PI4KA: variants seen among roughly 807,000 people sequenced by gnomAD.
PI4KA encodes PI4-kinase alpha.
Under a neutral mutation model 271.4 loss-of-function variants are expected in PI4KA, and 122 were observed. The ratio of observed to expected loss-of-function variants is 0.45; its 90% CI spans 0.39 to 0.52. PI4KA has a LOEUF of 0.52. Ranked by LOEUF, PI4KA falls within the 20% of genes least tolerant of loss-of-function variation. PI4KA has a pLI of 0.00. For missense variants in PI4KA, 1,969 were observed against 2,769.1 expected (o/e 0.71, Z 6.48); for synonymous variants, 1,041 against 1,078.8 (o/e 0.96, Z 0.69).
chr22:20,778,169 G>C (rs1200928072), intron 19 of PI4KA, among the ~76,000 whole-genome samples: 1 of 152,088 alleles, frequency 6.6e-6, no homozygotes, highest in Non-Finnish European at 1.5e-5. Flanking sequence ...GCCCTGAGGG[G>C]GTCTCAGCAC....
intron 19 of PI4KA, among the ~76,000 whole-genome samples, chr22:20,767,873 G>A (rs1009713804): frequency 6.6e-6 from 1 of 151,550 alleles, no homozygotes; most frequent in Non-Finnish European, 1.5e-5. Flanking sequence ...GACCTCAAGT[G>A]ATCTGCCCGC....
chr22:20,855,334 G>C (rs1260743440), intron 1 of PI4KA, among the ~76,000 whole-genome samples: 1 of 152,028 alleles, frequency 6.6e-6, no homozygotes, highest in Admixed American at 6.6e-5. Flanking sequence ...TGTTACATAT[G>C]TATACATGTG....
At chr22:20,830,559 T>A (rs1382256548) in intron 3 of PI4KA, among the ~76,000 whole-genome samples, 1 of 152,218 alleles carries the variant, frequency 6.6e-6, no homozygotes, top group Admixed American at 6.5e-5. Context: ...GATTGGTCTC[T>A]TAAAGACAGC....
At chr22:20,789,538 C>T (rs1015084516) in intron 19 of PI4KA, among the ~76,000 whole-genome samples, 1 of 152,186 alleles carries the variant, frequency 6.6e-6, no homozygotes, top group Non-Finnish European at 1.5e-5. Context: ...CCATGTTGGA[C>T]AGGCTGGTCT....
At chr22:20,753,960 A>G (rs2147340777) in intron 23 of PI4KA, among the ~76,000 whole-genome samples, 1 of 152,338 alleles carries the variant, frequency 6.6e-6, no homozygotes, top group East Asian at 1.9e-4. Flanking sequence ...TGCTGGGATT[A>G]CAGGCGTGAG....
At chr22:20,727,704 A>G (rs1485851470) in intron 40 of PI4KA, 70 bp downstream of exon 40, 3 of 1,171,196 alleles carry the variant, frequency 2.6e-6, no homozygotes, top group Non-Finnish European at 3.8e-6. Flanking sequence ...TTCTAGTTTC[A>G]GGCATTTCTG....
At position 20,797,886 on chromosome 22, in the gene PI4KA, A is replaced by G. The variant is rs118145797; in HGVS notation, c.2108+698T>C. On this transcript the variant is annotated intron_variant, in intron 17 of 54. Transcript: ENST00000255882. ...AAAGGGGCTCTCTTCTTCCCTCCCCACCCTCCTGTCCTCATCTGACTTCAC... is the reference window on the plus strand; with the variant it reads ...AAAGGGGCTCTCTTCTTCCCTCCCCGCCCTCCTGTCCTCATCTGACTTCAC... 2.3e-3 allele frequency among the ~76,000 whole-genome samples: 355 copies of G among 152,108 alleles called. 5 individuals are homozygous for G. The East Asian group carries it at 0.055, about 24-fold the overall frequency.
chr22:20,726,007 T>TTTTG (rs149776528), intron 42 of PI4KA, among the ~76,000 whole-genome samples: 3 of 152,086 alleles, frequency 2.0e-5, no homozygotes, highest in Admixed American at 6.5e-5. Context: ...AATTCATGTT[T>TTTTG]TTTGTTTGTT....
At chr22:20,784,219 G>A (rs1269025982) in intron 19 of PI4KA, 3 of 1,614,168 alleles carry the variant, frequency 1.9e-6, no homozygotes, top group Non-Finnish European at 2.5e-6. Context: ...GGGTGGTGGA[G>A]AGATGGCAAA....
At position 20,710,009 on chromosome 22, in the gene PI4KA, T is replaced by C. The variant is rs371173329; in HGVS notation, c.6084-12A>G. The C allele has an allele frequency of 1.9e-4, 302 of 1,593,582 alleles. No homozygotes were observed. Among genetic ancestry groups the C allele is most frequent in the South Asian group, 7.6e-4 (69 of 90,664 alleles). On this transcript the variant is annotated splice_polypyrimidine_tract_variant and intron_variant, in intron 52 of 54. Transcript: ENST00000255882. ...CGTCCATGTAGGGCCTGGGGAGAGA[T>C]AGGAGGGAGCGGTGGGCTGAGGCCA...
chr22:20,767,775 C>T (rs1008215876), intron 19 of PI4KA, among the ~76,000 whole-genome samples: 3 of 151,862 alleles, frequency 2.0e-5, no homozygotes, highest in African/African-American at 7.3e-5. Flanking sequence ...GCTGGGACTA[C>T]GGGCATGCAC....
intron 2 of PI4KA, among the ~76,000 whole-genome samples, chr22:20,836,769 C>T (rs1453709222): frequency 2.6e-5 from 4 of 152,140 alleles, no homozygotes; most frequent in African/African-American, 7.2e-5. Flanking sequence ...CCTGGACATA[C>T]AGGCAAACTC....
chr22:20,725,759 G>A (rs1927274077), intron 42 of PI4KA: 6 of 309,094 alleles, frequency 1.9e-5, no homozygotes, highest in South Asian at 1.6e-4. Flanking sequence ...AGCTGGGCGT[G>A]GTCGCACACG....
At chr22:20,813,337 A>T in intron 8 of PI4KA, 21 bp downstream of exon 8, 2 of 1,601,732 alleles carry the variant, frequency 1.2e-6, no homozygotes, top group Non-Finnish European at 1.7e-6. Flanking sequence ...TGGTCTGTTC[A>T]TCCATCAGTT....
chr22:20,757,163 C>G (rs1931403046), intron 23 of PI4KA, among the ~76,000 whole-genome samples: 2 of 152,206 alleles, frequency 1.3e-5, no homozygotes, highest in Non-Finnish European at 2.9e-5. Context: ...CCCTCTCCTC[C>G]TGGTAGGTTC....
intron 7 of PI4KA, among the ~76,000 whole-genome samples, chr22:20,818,154 T>C (rs1488188056): frequency 6.6e-6 from 1 of 152,110 alleles, no homozygotes; most frequent in Non-Finnish European, 1.5e-5. Context: ...CCACCATTAG[T>C]ACTTCCACCT....
At chr22:20,823,228 A>G (rs1023439030) in intron 4 of PI4KA, among the ~76,000 whole-genome samples, 6 of 152,076 alleles carry the variant, frequency 3.9e-5, no homozygotes, top group African/African-American at 4.8e-5. Context: ...TTTCCATTTT[A>G]TATGTTAAAG....
intron 32 of PI4KA, among the ~76,000 whole-genome samples, chr22:20,739,702 A>G (rs1929181811): frequency 6.6e-6 from 1 of 152,214 alleles, no homozygotes; most frequent in African/African-American, 2.4e-5. Flanking sequence ...TCAAAGATTT[A>G]TAAGAAATAA....
intron 1 of PI4KA, among the ~76,000 whole-genome samples, chr22:20,839,599 A>C (rs1163570734): frequency 2.6e-5 from 4 of 152,342 alleles, no homozygotes; most frequent in Non-Finnish European, 5.9e-5. Context: ...TGGTAGGCCG[A>C]GGCAGGCGGA....
Sources: gnomAD v4.1 joint callset for allele counts (sites outside exome capture counted in the v4.1 genomes callset) on GRCh38, gnomAD v4.1.1 for gene constraint, MANE v1.5 for transcripts, NCBI Gene and HGNC (gene_info 2026-07-23, HGNC 2026-07-21) for gene names.